Variants in NLRC5 observed in about 807,000 individuals in gnomAD.
NLRC5 encodes the protein protein NLRC5.
In NLRC5, 114 loss-of-function variants were observed where a neutral mutation model predicts 206.9. That is an observed-to-expected ratio of 0.55 (90% confidence interval 0.47 to 0.64). The LOEUF (loss-of-function observed/expected upper bound fraction) is 0.64. NLRC5 is among the 30% of genes least tolerant of loss of function. The probability of loss-of-function intolerance (pLI) is 0.00; values close to 1 mark genes in which losing one functional copy is unlikely to be tolerated. For missense variants in NLRC5, 2,008 were observed against 2,305.5 expected (o/e 0.87, Z 2.64); for synonymous variants, 952 against 962.8 (o/e 0.99, Z 0.21).
chr16:57,033,884 A>G (rs1435690231), intron 12 of NLRC5, among the ~76,000 whole-genome samples: 1 of 152,224 alleles, frequency 6.6e-6, no homozygotes, highest in African/African-American at 2.4e-5. Flanking sequence ...GGAACCGGCT[A>G]TCTATATGCC....
chr16:57,051,380 C>T (rs1203708830), intron 23 of NLRC5, among the ~76,000 whole-genome samples, 158 bp from the exon 24 acceptor site: 1 of 152,266 alleles, frequency 6.6e-6, no homozygotes, highest in African/African-American at 2.4e-5. Flanking sequence ...CCTTCCTCTT[C>T]TTCCAGCCTC....
In NLRC5 at chr16:57,061,452, A is replaced by C; in HGVS notation, c.3991A>C (p.Ser1331Arg). The change falls in exon 31 of 49, where the codon AGT becomes CGT. Residue 1331 changes from serine to arginine, a missense_variant. Physicochemically the swap from Ser to Arg is moderately radical, Grantham distance 110 (BLOSUM62 -1). Coordinates refer to ENST00000688547, the MANE Select transcript of NLRC5 (RefSeq NM_001384950.1). ...GCCCTGGCTTTCTGCCCTCAGGCTA[A>C]GTGAGTGCAGCTTCCGGCCAGAGCA... is the stretch of plus-strand genomic sequence containing the variant. ...EDQAGKTLRL[S>R]ECSFRPEHVS... 1.9e-6 allele frequency: 3 copies of C among 1,611,276 alleles called. No homozygotes were observed. The highest frequency in any genetic ancestry group is 2.5e-6 in the Non-Finnish European group (3 of 1,179,976).
At chr16:57,047,905 C>T in intron 23 of NLRC5, 1 of 487,876 alleles carries the variant, frequency 2.0e-6, no homozygotes, top group East Asian at 3.3e-5. Context: ...GGAGCCCTGT[C>T]CACCTCCAAC....
At chr16:57,063,581 G>C (rs1297232054) in intron 32 of NLRC5, among the ~76,000 whole-genome samples, 2 of 151,954 alleles carry the variant, frequency 1.3e-5, no homozygotes, top group African/African-American at 4.8e-5. Context: ...ATAGAGATGA[G>C]GTCTCACTGT....
At chr16:57,037,314 TCCC>T (rs56113643) in intron 15 of NLRC5, 30 bp downstream of exon 15, 35 of 1,522,824 alleles carry the variant, frequency 2.3e-5, no homozygotes, top group African/African-American at 1.3e-4. Flanking sequence ...ACGGTACCCA[TCCC>T]CCCCCCCATC....
At chr16:57,078,187 G>T (rs2068655644) in intron 43 of NLRC5, among the ~76,000 whole-genome samples, 167 bp downstream of exon 43, 1 of 152,208 alleles carries the variant, frequency 6.6e-6, no homozygotes, top group Admixed American at 6.5e-5. Context: ...TCTGCAGCAA[G>T]AAAATCAGGA....
At position 57,078,009 on chromosome 16, in the gene NLRC5, G is replaced by C. The variant is rs2068619661; in HGVS notation, c.5070G>C (p.Leu1690=). The change falls in exon 43 of 49, where the codon CTG becomes CTC. Residue 1690 remains leucine, a synonymous_variant. Coordinates refer to ENST00000688547, the MANE Select transcript of NLRC5 (RefSeq NM_001384950.1). ...TGGCTCAGGAGCTGCCCCAGCACCTGAGGGTCCTACAGTGAGTGGCCCCCT... is the reference window on the plus strand; with the variant it reads ...TGGCTCAGGAGCTGCCCCAGCACCTCAGGGTCCTACAGTGAGTGGCCCCCT... ...LGLAQELPQH[L]RVLHLPFSHL... is the part of the protein sequence containing the mutation. The C allele has an allele frequency of 6.2e-7, 1 of 1,607,522 alleles. No individual in the cohort carries two copies. Among genetic ancestry groups the C allele is most frequent in the Non-Finnish European group, 8.5e-7 (1 of 1,176,038 alleles).
Position 57,013,909 on chromosome 16 carries a change from C to T in NLRC5, c.-127-3165C>T, listed in dbSNP as rs191503089. The stretch of plus-strand genomic sequence containing the variant: ...TATCATATGCAGATTCTACAAAATG[C>T]GGCTGGTTTTCAATTTTTACTGCAC... On this transcript the variant is annotated intron_variant, in intron 1 of 48. Coordinates refer to ENST00000688547, the MANE Select transcript of NLRC5 (RefSeq NM_001384950.1). The T allele has an allele frequency of 2.7e-4, 142 of 520,916 alleles. 1 individual carries two copies. The highest frequency in any genetic ancestry group is 2.1e-3 in the African/African-American group (107 of 51,358). 32.3% of individuals were successfully genotyped at this position (520,916 alleles called of 1,614,324 possible). A position where few individuals can be genotyped will look rare whatever the true frequency, so the allele number is the denominator to read the frequency against.
chr16:57,018,477 A>G (rs1461568622), intron 2 of NLRC5, among the ~76,000 whole-genome samples: 1 of 152,216 alleles, frequency 6.6e-6, no homozygotes, highest in Admixed American at 6.5e-5. Flanking sequence ...AGCATGTTTC[A>G]TAAATTCTAA....
chr16:57,067,571 A>G, intron 35 of NLRC5, 101 bp downstream of exon 35: 1 of 1,411,938 alleles, frequency 7.1e-7, no homozygotes. Flanking sequence ...TTCCTTGTGC[A>G]GGAGAAAATC....
chr16:57,021,514 G>A (rs1407729647), intron 3 of NLRC5, among the ~76,000 whole-genome samples: 2 of 152,054 alleles, frequency 1.3e-5, no homozygotes, highest in African/African-American at 4.8e-5. Context: ...AGAACTATAG[G>A]TGCATGCCAC....
At chr16:57,038,464 A>G (rs1294396690) in intron 15 of NLRC5, among the ~76,000 whole-genome samples, 4 of 151,972 alleles carry the variant, frequency 2.6e-5, no homozygotes, top group South Asian at 2.1e-4. Flanking sequence ...TGCTATATTG[A>G]CCAGGCTGTT....
chr16:56,998,230 A>C (rs289737), intron 1 of NLRC5, among the ~76,000 whole-genome samples: 99,788 of 150,008 alleles, frequency 0.67, 33,784 homozygotes, highest in Non-Finnish European at 0.73. Flanking sequence ...AAAATGTATT[A>C]ATTCTAAACC....
chr16:57,018,564 CAAGTATGTCTCT>C (rs2060328078), intron 2 of NLRC5, among the ~76,000 whole-genome samples: 1 of 152,162 alleles, frequency 6.6e-6, no homozygotes. Context: ...ACAGTACATC[CAAGTATGTCTCT>C]ACTGCATGCC....
In NLRC5 at chr16:57,044,454, A is replaced by G. The variant is rs2063690502; in HGVS notation, c.3203+850A>G. Among the ~76,000 whole-genome samples, 3 of 152,260 alleles carry G rather than the reference A, an allele frequency of 2.0e-5. No homozygotes were observed. In the South Asian group the frequency reaches 6.2e-4, roughly 32 times the overall value. The stretch of plus-strand genomic sequence containing the variant: ...CCCAGGCACTCAGGGCACCGCATCC[A>G]TGATTTTCAGGGGAGGTCTGCTTCC... On this transcript the variant is annotated intron_variant, in intron 20 of 48. Transcript: ENST00000688547.
chr16:57,081,286 C>T, intron 47 of NLRC5, 105 bp downstream of exon 47: 1 of 1,187,122 alleles, frequency 8.4e-7, no homozygotes, highest in Non-Finnish European at 1.2e-6. Context: ...AAAGCCCTTC[C>T]TTGAGTTGCA....
intron 32 of NLRC5, among the ~76,000 whole-genome samples, chr16:57,064,015 G>C (rs1379598305): frequency 6.6e-6 from 1 of 152,028 alleles, no homozygotes; most frequent in Non-Finnish European, 1.5e-5. Flanking sequence ...TGGGATTACA[G>C]GTGTGAGCCA....
At chr16:57,035,748 G>C (rs796232974) in intron 13 of NLRC5, among the ~76,000 whole-genome samples, 6 of 152,358 alleles carry the variant, frequency 3.9e-5, no homozygotes, top group African/African-American at 1.4e-4. Flanking sequence ...GAAGAGTTGA[G>C]GGTGGGGCCT....
At chr16:57,035,120 C>A (rs2062378618) in intron 13 of NLRC5, among the ~76,000 whole-genome samples, 1 of 152,194 alleles carries the variant, frequency 6.6e-6, no homozygotes, top group African/African-American at 2.4e-5. Context: ...CCTGCAGAAG[C>A]AGCCCCATCA....
Sources: gnomAD v4.1 joint callset for allele counts (sites outside exome capture counted in the v4.1 genomes callset) on GRCh38, gnomAD v4.1.1 for gene constraint, MANE v1.5 for transcripts, NCBI Gene and HGNC (gene_info 2026-07-23, HGNC 2026-07-21) for gene names.